TENM1: variants seen among roughly 807,000 people sequenced by gnomAD.
TENM1 encodes teneurin-1.
In TENM1, 35 loss-of-function variants were observed where a neutral mutation model predicts 174.8. The ratio of observed to expected loss-of-function variants is 0.20; its 90% CI spans 0.15 to 0.27. TENM1 has a LOEUF of 0.27. Ranked by LOEUF, TENM1 falls within the 10% of genes least tolerant of loss-of-function variation. The pLI is 1.00. For missense variants in TENM1, 1,633 were observed against 2,130.1 expected (o/e 0.77, Z 4.59); for synonymous variants, 781 against 798.7 (o/e 0.98, Z 0.37).
rs57146663 is a variant in TENM1, at chrX:124,421,450, G to C, written c.4472-629C>G. Among the ~76,000 whole-genome samples the C allele has an allele frequency of 9.4e-3, 1,051 of 111,927 alleles. 11 individuals carry two copies. Among genetic ancestry groups the C allele is most frequent in the African/African-American group, 0.032 (994 of 30,823 alleles). On this transcript the variant is annotated intron_variant, in intron 24 of 31. Coordinates refer to ENST00000422452, the Ensembl canonical transcript of TENM1. The stretch of plus-strand genomic sequence containing the variant: ...CTCACTCCTGACTCCTCTGGCCTAA[G>C]GAAAGGCAAAGGTTAAGAGAACCAT...
At chrX:125,022,878 C>A in the TENM1 span, among the ~76,000 whole-genome samples, 75 of 111,691 alleles carry the variant, frequency 6.7e-4, 1 homozygote, top group Non-Finnish European at 3.2e-4. Context: ...TTTCTCTTTT[C>A]TTATGTTCAG....
intron 3 of TENM1, among the ~76,000 whole-genome samples, chrX:124,829,860 C>T (rs2056250711): frequency 1.8e-5 from 2 of 112,230 alleles, no homozygotes; most frequent in Non-Finnish European, 3.8e-5. Flanking sequence ...ACCCTATCTA[C>T]GTCTACCCCA....
chrX:125,179,980 A>G, the TENM1 span, among the ~76,000 whole-genome samples: 1 of 98,640 alleles, frequency 1.0e-5, no homozygotes, highest in African/African-American at 3.8e-5. Context: ...CCTCCATACT[A>G]CCACCTGGGT....
chrX:125,172,328 C>G, the TENM1 span, among the ~76,000 whole-genome samples: 2 of 109,906 alleles, frequency 1.8e-5, no homozygotes, highest in Admixed American at 9.7e-5. Context: ...CTCACCCCCC[C>G]CCATTTTAAA....
chrX:124,795,314 T>C (rs184839799), intron 3 of TENM1, among the ~76,000 whole-genome samples: 24 of 112,313 alleles, frequency 2.1e-4, no homozygotes, highest in African/African-American at 6.8e-4. Flanking sequence ...AAATAAGAAG[T>C]AGTTTCAATA....
chrX:124,388,758 T>C (rs1378113789), intron 28 of TENM1, among the ~76,000 whole-genome samples: 1 of 112,315 alleles, frequency 8.9e-6, no homozygotes, highest in Non-Finnish European at 1.9e-5. Context: ...AGCATTTGAA[T>C]GACCACCAGA....
At chrX:125,026,198 A>C in the TENM1 span, among the ~76,000 whole-genome samples, 1 of 95,489 alleles carries the variant, frequency 1.0e-5, no homozygotes, top group Non-Finnish European at 2.0e-5. Context: ...GAAAAGGCAA[A>C]GGAAAAAAAA....
chrX:124,645,946 A>G (rs754824461), intron 9 of TENM1, among the ~76,000 whole-genome samples: 1 of 111,419 alleles, frequency 9.0e-6, no homozygotes, highest in East Asian at 2.8e-4. Context: ...CCTCCTCAAG[A>G]TCTATCATGG....
intron 11 of TENM1, among the ~76,000 whole-genome samples, chrX:124,614,450 C>A (rs945271067): frequency 8.9e-6 from 1 of 112,106 alleles, no homozygotes; most frequent in African/African-American, 3.2e-5. Flanking sequence ...ATCTTCTATT[C>A]TCCTATTTCT....
chrX:124,584,418 T>C (rs996669336), intron 11 of TENM1, among the ~76,000 whole-genome samples: 4 of 110,600 alleles, frequency 3.6e-5, no homozygotes, highest in African/African-American at 1.3e-4. Context: ...ACCCAGAATT[T>C]CATATCCAGC....
chrX:125,054,534 A>T, the TENM1 span, among the ~76,000 whole-genome samples: 1 of 110,382 alleles, frequency 9.1e-6, no homozygotes, highest in Non-Finnish European at 1.9e-5. Context: ...CAGTCAGTTT[A>T]AAAAAAACCT....
chrX:125,028,547 G>A, the TENM1 span, among the ~76,000 whole-genome samples: 5 of 111,669 alleles, frequency 4.5e-5, no homozygotes, highest in Non-Finnish European at 9.4e-5. Flanking sequence ...GAGGGTGGAA[G>A]AAGGAAGAGG....
the TENM1 span, among the ~76,000 whole-genome samples, chrX:125,066,211 C>A: frequency 6.3e-5 from 7 of 111,577 alleles, no homozygotes; most frequent in African/African-American, 2.3e-4. Flanking sequence ...AACCAAGGAA[C>A]ACAGGGTTGC....
the TENM1 span, among the ~76,000 whole-genome samples, chrX:125,165,227 C>T: frequency 3.6e-5 from 4 of 111,573 alleles, no homozygotes; most frequent in South Asian, 7.5e-4. Context: ...CAGGAAAGAA[C>T]GGAGTGGAAA....
chrX:124,471,270 T>C (rs1457677158), intron 22 of TENM1, among the ~76,000 whole-genome samples: 1 of 58,811 alleles, frequency 1.7e-5, no homozygotes, highest in Non-Finnish European at 2.7e-5. Context: ...TAATATATAG[T>C]ACTATATATA....
intron 3 of TENM1, among the ~76,000 whole-genome samples, chrX:124,854,601 T>A (rs2056781025): frequency 8.9e-6 from 1 of 111,784 alleles, no homozygotes; most frequent in Non-Finnish European, 1.9e-5. Flanking sequence ...TGAGTATAAG[T>A]CTAGCACATA....
At chrX:124,435,506 G>GGAGAT (rs773447211) in intron 23 of TENM1, among the ~76,000 whole-genome samples, 8 of 111,665 alleles carry the variant, frequency 7.2e-5, no homozygotes, top group Non-Finnish European at 1.5e-4. Context: ...TTTTCACCAT[G>GGAGAT]GAGATGTTAA....
chrX:125,020,226 T>C, the TENM1 span, among the ~76,000 whole-genome samples: 1 of 111,486 alleles, frequency 9.0e-6, no homozygotes, highest in South Asian at 3.8e-4. Flanking sequence ...TTATCATCTA[T>C]TTTTCTCCAC....
the TENM1 span, among the ~76,000 whole-genome samples, chrX:125,005,229 CAA>C: frequency 2.3e-5 from 2 of 85,643 alleles, no homozygotes; most frequent in Non-Finnish European, 4.8e-5. Flanking sequence ...CACACACACA[CAA>C]ATAATTCTAT....
Sources: gnomAD v4.1 joint callset for allele counts (sites outside exome capture counted in the v4.1 genomes callset) on GRCh38, gnomAD v4.1.1 for gene constraint, MANE v1.5 for transcripts, NCBI Gene and HGNC (gene_info 2026-07-23, HGNC 2026-07-21) for gene names.